Variants in WWOX observed in about 807,000 individuals in gnomAD.
WWOX encodes WW domain containing oxidoreductase.
In WWOX, 69 loss-of-function variants were observed where a neutral mutation model predicts 46.2. The observed-to-expected ratio is 1.49, with a 90% CI of 1.23 to 1.82. WWOX has a LOEUF of 1.82. Among genes scored for constraint, WWOX ranks in the 40% most tolerant of loss-of-function variants. WWOX has a pLI of 0.00. For synonymous variants in WWOX, 359 were observed against 202.6 expected, an observed-to-expected ratio of 1.77 and a Z score of -6.56; for missense variants, 919 against 542.6, an observed-to-expected ratio of 1.69 and a Z score of -6.89.
intron 4 of WWOX, among the ~76,000 whole-genome samples, chr16:78,139,873 C>T (rs1473280652): frequency 6.6e-6 from 1 of 152,134 alleles, no homozygotes; most frequent in Non-Finnish European, 1.5e-5. Context: ...AACTAGTGCT[C>T]AACTCCAGGC....
intron 8 of WWOX, among the ~76,000 whole-genome samples, chr16:79,007,864 A>G (rs1044625880): frequency 1.3e-5 from 2 of 152,210 alleles, no homozygotes; most frequent in East Asian, 3.9e-4. Context: ...TGGTGTCACA[A>G]GCCCTTTACA....
chr16:79,121,449 C>T (rs961695918), intron 8 of WWOX, among the ~76,000 whole-genome samples: 2 of 152,198 alleles, frequency 1.3e-5, no homozygotes, highest in African/African-American at 2.4e-5. Context: ...ATTCTAAGGT[C>T]CGATGTCGGT....
chr16:78,659,702 C>T (rs968234290), intron 8 of WWOX, among the ~76,000 whole-genome samples: 2 of 152,156 alleles, frequency 1.3e-5, no homozygotes, highest in African/African-American at 2.4e-5. Flanking sequence ...TCCCATTTTA[C>T]CAGTGCCCAA....
Position 78,929,609 on chromosome 16 carries a change from T to G in WWOX, c.1057-281999T>G, listed in dbSNP as rs528398736. ...AGCCTGGTGGACAAGGAGGGCGGGATAAGATTGCCAGGCCCTGCTTCTATT... is the reference window on the plus strand; with the variant it reads ...AGCCTGGTGGACAAGGAGGGCGGGAGAAGATTGCCAGGCCCTGCTTCTATT... On this transcript the variant is annotated intron_variant, in intron 8 of 8. Coordinates refer to ENST00000566780, the MANE Select transcript of WWOX (RefSeq NM_016373.4). Among the ~76,000 whole-genome samples the G allele has an allele frequency of 3.2e-4, 48 of 152,284 alleles. 1 individual carries two copies. In the South Asian group the frequency reaches 9.5e-3, roughly 30 times the overall value.
intron 8 of WWOX, among the ~76,000 whole-genome samples, chr16:78,696,580 A>T (rs530096814): frequency 6.6e-6 from 1 of 152,212 alleles, no homozygotes; most frequent in South Asian, 2.1e-4. Flanking sequence ...CAAAGAATCG[A>T]TATTCTACCA....
At chr16:78,527,891 G>A (rs991269878) in intron 8 of WWOX, among the ~76,000 whole-genome samples, 3 of 151,578 alleles carry the variant, frequency 2.0e-5, no homozygotes, top group African/African-American at 7.3e-5. Flanking sequence ...CAGTGCAAAG[G>A]ACCATGCCCA....
rs574902703 is a variant in WWOX at position 78,783,723 on chromosome 16, A to G, written c.1056+350971A>G. Among the ~76,000 whole-genome samples the G allele has an allele frequency of 4.7e-3, 363 of 77,272 alleles. 3 individuals carry two copies. The highest frequency in any genetic ancestry group is 0.02 in the African/African-American group (353 of 17,904). The allele number at this position is 77,272 out of a possible 152,430, so 50.7% of individuals were successfully genotyped here. On this transcript the variant is annotated intron_variant, in intron 8 of 8. Transcript: ENST00000566780. ...CATGGTGATGAAGATGAGGGTGATG[A>G]TGTTGATGTTGATGATGATGGTGAT...
intron 8 of WWOX, among the ~76,000 whole-genome samples, chr16:78,846,342 C>G (rs370623563): frequency 3.3e-5 from 5 of 152,108 alleles, no homozygotes; most frequent in Admixed American, 6.5e-5. Flanking sequence ...ACGGTGTGTC[C>G]TCTTCCTTCT....
At chr16:78,935,932 A>C (rs554152520) in intron 8 of WWOX, among the ~76,000 whole-genome samples, 7 of 151,900 alleles carry the variant, frequency 4.6e-5, no homozygotes, top group African/African-American at 1.5e-4. Flanking sequence ...AAAATAAAAT[A>C]AGCAGCAGCA....
Position 78,467,254 on chromosome 16 carries a change from C to T in WWOX, c.1056+34502C>T, listed in dbSNP as rs562228580. Among the ~76,000 whole-genome samples the T allele has an allele frequency of 5.3e-5, 8 of 152,128 alleles. No individual in the cohort carries two copies. In the South Asian group the frequency reaches 1.5e-3, roughly 28 times the overall value. ...CAGAGGGCTTTTTTCTGATCACCACCCATGTTAATTAGATATGCATGTATG... is the reference window on the plus strand; with the variant it reads ...CAGAGGGCTTTTTTCTGATCACCACTCATGTTAATTAGATATGCATGTATG... On this transcript the variant is annotated intron_variant, in intron 8 of 8. Transcript: ENST00000566780.
chr16:79,073,459 C>T (rs1458009768), intron 8 of WWOX, among the ~76,000 whole-genome samples: 4 of 152,118 alleles, frequency 2.6e-5, no homozygotes, highest in African/African-American at 9.7e-5. Flanking sequence ...GGGTTTCAAG[C>T]ATGAGCCACC....
chr16:78,205,019 G>A (rs1232360454), intron 5 of WWOX, among the ~76,000 whole-genome samples: 1 of 152,186 alleles, frequency 6.6e-6, no homozygotes, highest in African/African-American at 2.4e-5. Context: ...TGAATAAACT[G>A]TTTTGTTGAA....
At chr16:78,506,312 C>T (rs956691170) in intron 8 of WWOX, among the ~76,000 whole-genome samples, 2 of 152,188 alleles carry the variant, frequency 1.3e-5, no homozygotes, top group African/African-American at 2.4e-5. Flanking sequence ...GCTTCGGAAA[C>T]GAATCTGGTC....
intron 8 of WWOX, among the ~76,000 whole-genome samples, chr16:78,485,988 C>T (rs960552721): frequency 1.3e-5 from 2 of 152,078 alleles, no homozygotes; most frequent in African/African-American, 2.4e-5. Flanking sequence ...CCTAGGAGTC[C>T]ATGTAGTTGC....
intron 8 of WWOX, among the ~76,000 whole-genome samples, chr16:79,130,366 C>A (rs553771171): frequency 6.6e-6 from 1 of 152,158 alleles, no homozygotes; most frequent in Non-Finnish European, 1.5e-5. Flanking sequence ...ATTAATACAA[C>A]TAATAAATAG....
At chr16:78,326,570 T>TCC (rs1287342811) in intron 5 of WWOX, among the ~76,000 whole-genome samples, 3 of 10,004 alleles carry the variant, frequency 3.0e-4, no homozygotes, top group African/African-American at 6.7e-4. Flanking sequence ...CTGCCTGCCC[T>TCC]CCCCCCGCCC....
intron 5 of WWOX, among the ~76,000 whole-genome samples, chr16:78,309,239 C>T (rs752014574): frequency 2.6e-5 from 4 of 152,112 alleles, no homozygotes; most frequent in East Asian, 1.9e-4. Flanking sequence ...TCACGTGATC[C>T]GATGGTTATA....
intron 5 of WWOX, among the ~76,000 whole-genome samples, chr16:78,302,790 C>G (rs933454362): frequency 1.3e-5 from 2 of 152,230 alleles, no homozygotes; most frequent in African/African-American, 2.4e-5. Context: ...TGGCATATCT[C>G]TTGGTTCCTA....
intron 5 of WWOX, among the ~76,000 whole-genome samples, chr16:78,219,647 T>C (rs565355271): frequency 1.3e-5 from 2 of 152,318 alleles, no homozygotes; most frequent in South Asian, 4.1e-4. Flanking sequence ...TCTCTTTTGC[T>C]TTCTCTCTCA....
Sources: allele counts gnomAD v4.1 joint callset (sites outside exome capture counted in the v4.1 genomes callset), GRCh38; gene constraint gnomAD v4.1.1; transcripts MANE v1.5; gene names NCBI Gene and HGNC (gene_info 2026-07-23, HGNC 2026-07-21).